The following NBPF15 variants were observed in gnomAD, a reference collection of about 807,000 sequenced individuals.
NBPF15 encodes the protein NBPF family member NBPF15.
In NBPF15, 74 loss-of-function variants were observed where a neutral mutation model predicts 62.2. The observed-to-expected ratio is 1.19, with a 90% CI of 0.99 to 1.44. The LOEUF (loss-of-function observed/expected upper bound fraction) is 1.44, where lower values mean the gene tolerates loss of function less well. NBPF15 is among the 40% of genes most tolerant of loss of function. The pLI, the probability that NBPF15 is intolerant of heterozygous loss-of-function variation, is 0.00. For synonymous variants in NBPF15, 244 were observed against 209.7 expected (o/e 1.16, Z -1.41); for missense variants, 790 against 550.0 (o/e 1.44, Z -4.36).
At chr1:144,437,157 A>T in intron 9 of NBPF15, 48 bp from the exon 10 acceptor site, 1 of 1,446,340 alleles carries the variant, frequency 6.9e-7, no homozygotes, top group Non-Finnish European at 9.7e-7. Flanking sequence ...GGGTTGAGTG[A>T]TCCGCTCAAA....
At chr1:144,428,389 G>C (rs9438173) in intron 15 of NBPF15, among the ~76,000 whole-genome samples, 1 of 151,938 alleles carries the variant, frequency 6.6e-6, no homozygotes, top group Non-Finnish European at 1.5e-5. Flanking sequence ...AGCTTTTGAG[G>C]TATGGTCAAC....
chr1:144,442,147 A>G (rs1281038007), intron 6 of NBPF15, among the ~76,000 whole-genome samples: 1 of 7,528 alleles, frequency 1.3e-4, no homozygotes, highest in Non-Finnish European at 3.6e-4. Flanking sequence ...ATATATATAT[A>G]ATATATATAC....
chr1:144,423,132 A>T lies in NBPF15; in HGVS notation c.1894T>A (p.Phe632Ile). The change falls in exon 22 of 22, where the codon TTT (phenylalanine) becomes ATT (isoleucine). Residue 632 changes from phenylalanine (F) to isoleucine (I), a missense_variant. Phe to Ile is a conservative substitution (Grantham distance 21). Coordinates refer to ENST00000581897, the MANE Select transcript of NBPF15 (RefSeq NM_001385408.1). ...ATATGCTCTTCCTCAAATGAGTAAA[A>T]CACACTTCTGTAGTGCTGGAATGAG... is the stretch of plus-strand genomic sequence containing the variant. ...PDSFQHYRSVFYSFEEEHISF... is the reference protein window; with the variant it reads ...PDSFQHYRSVIYSFEEEHISF... 6.2e-7 allele frequency: 1 copy of T among 1,611,622 alleles called. No homozygotes were observed. The highest frequency in any genetic ancestry group is 8.5e-7 in the Non-Finnish European group (1 of 1,179,606).
intron 18 of NBPF15, 23 bp from the exon 19 acceptor site, chr1:144,425,591 C>A (rs1553539119): frequency 3.7e-6 from 2 of 547,850 alleles, no homozygotes; most frequent in South Asian, 1.8e-5. Flanking sequence ...CAGACAGGGA[C>A]AGACAAAATA....
intron 11 of NBPF15, 60 bp from the exon 12 acceptor site, chr1:144,435,376 G>C: frequency 7.3e-7 from 1 of 1,363,354 alleles, no homozygotes; most frequent in South Asian, 1.2e-5. Context: ...TTGGACCCCA[G>C]GGAGTCCTAG....
intron 21 of NBPF15, 112 bp downstream of exon 21, chr1:144,423,758 G>A: frequency 8.5e-6 from 6 of 705,790 alleles, no homozygotes; most frequent in Non-Finnish European, 1.5e-5. Flanking sequence ...ATGACAGTAG[G>A]AGTAATTCAG....
intron 1 of NBPF15, among the ~76,000 whole-genome samples, 188 bp downstream of exon 1, chr1:144,461,193 C>T (rs1344385286): frequency 1.3e-5 from 2 of 152,036 alleles, no homozygotes; most frequent in Non-Finnish European, 1.5e-5. Flanking sequence ...AGTTTCTTCC[C>T]CAGCGCCCAA....
chr1:144,455,169 G>A (rs1486549731), intron 4 of NBPF15, among the ~76,000 whole-genome samples: 1 of 147,616 alleles, frequency 6.8e-6, no homozygotes, highest in African/African-American at 2.5e-5. Context: ...GGCAGGGAGG[G>A]AGAGAGGAAG....
chr1:144,428,832 G>C (rs1425628218), intron 14 of NBPF15, among the ~76,000 whole-genome samples, 175 bp from the exon 15 acceptor site: 31 of 152,008 alleles, frequency 2.0e-4, no homozygotes, highest in South Asian at 6.2e-4. Flanking sequence ...ACTGGCTTGG[G>C]TTCTTTCATG....
chr1:144,425,103 C>G (rs1293291503), intron 19 of NBPF15, among the ~76,000 whole-genome samples: 1 of 144,240 alleles, frequency 6.9e-6, no homozygotes, highest in African/African-American at 2.7e-5. Context: ...CACACACACA[C>G]AGACACACAC....
chr1:144,457,970 C>G (rs1453121951), intron 3 of NBPF15, among the ~76,000 whole-genome samples: 1 of 151,460 alleles, frequency 6.6e-6, no homozygotes, highest in Non-Finnish European at 1.5e-5. Context: ...GCCTGTAGAC[C>G]CAGCTACTAA....
In NBPF15 at chr1:144,435,106, G is replaced by A. The variant is rs1233834528; in HGVS notation, c.772+5C>T. 1.2e-6 allele frequency: 2 copies of A among 1,612,616 alleles called. No homozygotes were observed. The highest frequency in any genetic ancestry group is 4.5e-5 in the East Asian group (2 of 44,864). Reference sequence around the variant, plus strand: ...GGTATGAGACACAAGGAAAACAGAGGCTACCTGGAATAATGTGTACAGCAT... The same window carrying A: ...GGTATGAGACACAAGGAAAACAGAGACTACCTGGAATAATGTGTACAGCAT... On this transcript the variant is annotated splice_donor_5th_base_variant and intron_variant, in intron 12 of 21. Transcript: ENST00000581897.
At chr1:144,444,759 A>C (rs1218108371) in intron 6 of NBPF15, among the ~76,000 whole-genome samples, 1 of 151,884 alleles carries the variant, frequency 6.6e-6, no homozygotes, top group African/African-American at 2.4e-5. Flanking sequence ...CCAGTTGCAG[A>C]AGTCAAAACT....
At position 144,423,884 on chromosome 1, in the gene NBPF15, G is replaced by T. The variant is rs1553538763; in HGVS notation, c.1755C>A (p.Asn585Lys). 3.9e-6 allele frequency: 3 copies of T among 778,966 alleles called. No individual in the cohort carries two copies. The highest frequency in any genetic ancestry group is 3.4e-5 in the African/African-American group (2 of 59,302). The allele number at this position is 778,966 out of a possible 1,614,324, so 48.3% of individuals were successfully genotyped here. The change falls in exon 21 of 22, where the codon AAC becomes AAA. Residue 585 changes from asparagine to lysine, a missense_variant. Asn to Lys is a moderately conservative substitution (Grantham distance 94, BLOSUM62 0). Transcript: ENST00000581897. ...CTGAAAGTTACCTGGGGCATGGTGG[G>T]TTGTCATCTTCCCCTTCTTTTCTTC... ...RRGRKEGEDD[N>K]PPCPRLYGVL...
At chr1:144,457,915 C>A (rs1466422928) in intron 3 of NBPF15, among the ~76,000 whole-genome samples, 10 of 151,732 alleles carry the variant, frequency 6.6e-5, no homozygotes, top group Non-Finnish European at 1.3e-4. Context: ...TACAGGAAAA[C>A]CCTGTCTACA....
rs1227723296 is a variant in NBPF15, at chr1:144,445,348, TATATATACACACACACAC to T, written c.-191+3409_-191+3426del. On this transcript the variant is annotated intron_variant, in intron 6 of 21. Transcript: ENST00000581897. ...AAAACGGTGAATATATATATATATA[TATATATACACACACACAC>T]ACACACACACACACACGTTTGTGTG... Among the ~76,000 whole-genome samples, 229 of 130,082 alleles carry T rather than the reference TATATATACACACACACAC, an allele frequency of 1.8e-3. 2 individuals carry two copies. Among genetic ancestry groups the T allele is most frequent in the African/African-American group, 6.5e-3 (216 of 33,476 alleles). 85.3% of individuals were successfully genotyped at this position (130,082 alleles called of 152,430 possible). A position where few individuals can be genotyped will look rare whatever the true frequency, so the allele number is the denominator to read the frequency against.
chr1:144,441,673 C>T (rs1389410977), intron 6 of NBPF15, among the ~76,000 whole-genome samples: 5 of 150,052 alleles, frequency 3.3e-5, no homozygotes, highest in African/African-American at 1.2e-4. Context: ...GTGGTGAGTG[C>T]TACAGTATCT....
Position 144,458,090 on chromosome 1 carries a change from A to G in NBPF15, c.-701+1276T>C, listed in dbSNP as rs868919823. Reference sequence around the variant, plus strand: ...CAACAGAGCGAGACACTGTCTCAAGAAAAAAAAAAAAAATTGTTCGATGTA... The same window carrying G: ...CAACAGAGCGAGACACTGTCTCAAGGAAAAAAAAAAAAATTGTTCGATGTA... On this transcript the variant is annotated intron_variant, in intron 3 of 21. Coordinates refer to ENST00000581897, the MANE Select transcript of NBPF15 (RefSeq NM_001385408.1). 8.7e-3 allele frequency among the ~76,000 whole-genome samples: 1,192 copies of G among 137,290 alleles called. 19 individuals carry two copies. The highest frequency in any genetic ancestry group is 0.014 in the Admixed American group (198 of 13,818). 90.1% of individuals were successfully genotyped at this position (137,290 alleles called of 152,430 possible).
intron 8 of NBPF15, among the ~76,000 whole-genome samples, 165 bp downstream of exon 8, chr1:144,439,664 G>A (rs1431346092): frequency 3.3e-5 from 5 of 151,568 alleles, no homozygotes; most frequent in Non-Finnish European, 5.9e-5. Context: ...AAATACTTTG[G>A]TACCTCTGTC....
Sources: gnomAD v4.1 joint callset for allele counts (sites outside exome capture counted in the v4.1 genomes callset) on GRCh38, gnomAD v4.1.1 for gene constraint, MANE v1.5 for transcripts, NCBI Gene and HGNC (gene_info 2026-07-23, HGNC 2026-07-21) for gene names.